FBXO28: variants seen among roughly 807,000 people sequenced by gnomAD.
The protein encoded by FBXO28 is F-box only protein 28.
In FBXO28, 8 loss-of-function variants were observed where a neutral mutation model predicts 38.1. That is an observed-to-expected ratio of 0.21 (90% confidence interval 0.12 to 0.38). The LOEUF is 0.38. Among genes scored for constraint, FBXO28 ranks in the 10% least tolerant of loss-of-function variants. The pLI is 1.00. For missense variants in FBXO28, 345 were observed against 460.6 expected, an observed-to-expected ratio of 0.75 and a Z score of 2.30; for synonymous variants, 168 against 173.8, an observed-to-expected ratio of 0.97 and a Z score of 0.26.
At chr1:224,141,175 A>G (rs1371681279) in intron 3 of FBXO28, among the ~76,000 whole-genome samples, 1 of 145,696 alleles carries the variant, frequency 6.9e-6, no homozygotes, top group African/African-American at 2.6e-5. Flanking sequence ...CATAGTGGGG[A>G]AAAAAAGATA....
intron 2 of FBXO28, among the ~76,000 whole-genome samples, chr1:224,132,393 G>A (rs541774220): frequency 2.0e-5 from 3 of 152,248 alleles, no homozygotes; most frequent in Admixed American, 6.5e-5. Context: ...ATCCACTAGC[G>A]CTTTATATCC....
rs996879791 is a variant in FBXO28, at chr1:224,159,119, A to C, written c.*1373A>C. 15 of 152,754 alleles carry C rather than the reference A, an allele frequency of 9.8e-5. No homozygotes were observed. The highest frequency in any genetic ancestry group is 3.6e-4 in the African/African-American group (15 of 41,580). 9.5% of individuals were successfully genotyped at this position (152,754 alleles called of 1,614,324 possible). ...TAGTTGTATTTTAATTTACTAAATT[A>C]TGTAGCTATTTGACTGTTAAGTTCT... On this transcript the variant is annotated 3_prime_UTR_variant, in exon 5 of 5. Coordinates refer to ENST00000366862, the MANE Select transcript of FBXO28 (RefSeq NM_015176.4).
chr1:224,148,294 A>G lies in FBXO28; in HGVS notation c.517-4848A>G, dbSNP rs543596648. On this transcript the variant is annotated intron_variant, in intron 3 of 4. Coordinates refer to ENST00000366862, the MANE Select transcript of FBXO28 (RefSeq NM_015176.4). ...TGTCAGTTAGCAATCCCTGTAGGAT[A>G]TTTTGATAATGAAAGTTATTCTGAA... is the stretch of plus-strand genomic sequence containing the variant. Among the ~76,000 whole-genome samples the G allele has an allele frequency of 3.2e-4, 48 of 152,328 alleles. 1 individual carries two copies. In the South Asian group the frequency reaches 6.6e-3, roughly 21 times the overall value.
chr1:224,114,477 AG>A (rs1391661892), intron 1 of FBXO28, 81 bp downstream of exon 1: 1 of 1,240,246 alleles, frequency 8.1e-7, no homozygotes, highest in Non-Finnish European at 1.1e-6. Flanking sequence ...TTCCCCGGGA[AG>A]GGAGCCCCCC....
chr1:224,124,987 A>G (rs1656871043), intron 1 of FBXO28, among the ~76,000 whole-genome samples: 1 of 152,190 alleles, frequency 6.6e-6, no homozygotes, highest in Non-Finnish European at 1.5e-5. Flanking sequence ...CGAAAGATGT[A>G]TGATCTCTTG....
intron 3 of FBXO28, among the ~76,000 whole-genome samples, chr1:224,152,326 A>G (rs908805733): frequency 6.6e-6 from 1 of 152,210 alleles, no homozygotes. Context: ...TGGGGGCAGT[A>G]TTAAAAAGAG....
chr1:224,135,630 A>AAAAAAAAAAAAAAAG (rs1553290016), intron 3 of FBXO28, among the ~76,000 whole-genome samples: 1 of 115,784 alleles, frequency 8.6e-6, no homozygotes, highest in African/African-American at 3.3e-5. Flanking sequence ...AAAAAAAAAA[A>AAAAAAAAAAAAAAAG]AAAAAGAAAA....
chr1:224,120,809 G>T (rs1656754099), intron 1 of FBXO28, among the ~76,000 whole-genome samples: 1 of 149,304 alleles, frequency 6.7e-6, no homozygotes, highest in East Asian at 2.0e-4. Context: ...GTTGCAGTGA[G>T]CCGAGATCAT....
Position 224,138,700 on chromosome 1 carries a change from AAC to A in FBXO28, c.516+4490_516+4491del, listed in dbSNP as rs939236700. ...CATAGAGATGATAATGAAAAAACAA[AAC>A]ATGTGGATAGTCTCTGCTCTTCTTT... On this transcript the variant is annotated intron_variant, in intron 3 of 4. Transcript: ENST00000366862. 1.2e-3 allele frequency among the ~76,000 whole-genome samples: 5 copies of A among 4,236 alleles called. No homozygotes were observed. The Non-Finnish European group carries it at 0.029, about 25-fold the overall frequency. The allele number at this position is 4,236 out of a possible 152,430, so 2.8% of individuals were successfully genotyped here. A position where few individuals can be genotyped will look rare whatever the true frequency, so the allele number is the denominator to read the frequency against.
At chr1:224,153,097 T>TA (rs773123292) in intron 3 of FBXO28, 45 bp from the exon 4 acceptor site, 10 of 1,520,676 alleles carry the variant, frequency 6.6e-6, no homozygotes, top group Admixed American at 2.2e-5. Flanking sequence ...TTTTCTTTAT[T>TA]AAAAAAGAAA....
chr1:224,123,666 A>G (rs1334863570), intron 1 of FBXO28, among the ~76,000 whole-genome samples: 4 of 152,160 alleles, frequency 2.6e-5, no homozygotes, highest in African/African-American at 9.7e-5. Flanking sequence ...TGAGCATACC[A>G]TATTTCAAGG....
intron 3 of FBXO28, among the ~76,000 whole-genome samples, chr1:224,138,474 A>AC (rs1220979384): frequency 6.6e-6 from 1 of 151,870 alleles, no homozygotes; most frequent in African/African-American, 2.4e-5. Context: ...TAGTTGGCCA[A>AC]CCCTAAGTAC....
intron 1 of FBXO28, among the ~76,000 whole-genome samples, chr1:224,121,381 G>T (rs1229724306): frequency 6.6e-6 from 1 of 152,090 alleles, no homozygotes; most frequent in Non-Finnish European, 1.5e-5. Context: ...GGGTATATAC[G>T]CAGAGAATCT....
At chr1:224,147,153 G>A (rs1433697474) in intron 3 of FBXO28, among the ~76,000 whole-genome samples, 2 of 151,712 alleles carry the variant, frequency 1.3e-5, no homozygotes, top group East Asian at 3.9e-4. Flanking sequence ...TGCCGGATGC[G>A]GTGGCTCACG....
chr1:224,143,835 CAA>C (rs33965694), intron 3 of FBXO28, among the ~76,000 whole-genome samples: 14 of 119,172 alleles, frequency 1.2e-4, no homozygotes, highest in Non-Finnish European at 1.0e-4. Flanking sequence ...GACTCCATCT[CAA>C]AAAAAAAAAA....
At chr1:224,143,329 T>G (rs1309399346) in intron 3 of FBXO28, among the ~76,000 whole-genome samples, 1 of 152,140 alleles carries the variant, frequency 6.6e-6, no homozygotes, top group Non-Finnish European at 1.5e-5. Context: ...CTCTGGGCAC[T>G]CTGACTTCCT....
In FBXO28 at chr1:224,114,260, G is replaced by A. The variant is rs753763463; in HGVS notation, c.131G>A (p.Gly44Glu). 5.1e-6 allele frequency: 8 copies of A among 1,555,122 alleles called. No homozygotes were observed. Among genetic ancestry groups the A allele is most frequent in the African/African-American group, 1.4e-5 (1 of 73,404 alleles). ...PPPAPQHPQP[G>E]SQALPAPALA... ...CCCGCGCCACAGCACCCGCAGCCGGGGTCCCAGGCGCTCCCAGCCCCCGCG... is the reference window on the plus strand; with the variant it reads ...CCCGCGCCACAGCACCCGCAGCCGGAGTCCCAGGCGCTCCCAGCCCCCGCG... The change falls in exon 1 of 5, where the codon GGG becomes GAG. Residue 44 changes from glycine to glutamate, a missense_variant. This residue lies in a region of FBXO28 where 104 missense variants were observed against 82.0 expected (regional missense o/e 1.27). Transcript: ENST00000366862.
chr1:224,135,765 C>T (rs556535786), intron 3 of FBXO28, among the ~76,000 whole-genome samples: 12 of 152,030 alleles, frequency 7.9e-5, no homozygotes, highest in Admixed American at 3.3e-4. Context: ...TGCCAGGTGC[C>T]GTGGCTCACA....
chr1:224,138,465 A>G (rs1657250244), intron 3 of FBXO28, among the ~76,000 whole-genome samples: 1 of 151,902 alleles, frequency 6.6e-6, no homozygotes, highest in Admixed American at 6.6e-5. Context: ...ATAGGGGTAT[A>G]GTTGGCCAAC....
Sources: allele counts gnomAD v4.1 joint callset (sites outside exome capture counted in the v4.1 genomes callset), GRCh38; gene constraint gnomAD v4.1.1; regional missense constraint gnomAD v4.1.1; transcripts MANE v1.5; gene names NCBI Gene and HGNC (gene_info 2026-07-23, HGNC 2026-07-21).